Variants in OTUD7A observed in about 807,000 individuals in gnomAD.
The protein encoded by OTUD7A is OTU domain-containing protein 7A.
Under a neutral mutation model 65.7 loss-of-function variants are expected in OTUD7A, and 12 were observed. The ratio of observed to expected loss-of-function variants is 0.18; its 90% CI spans 0.12 to 0.30. The LOEUF is 0.30. OTUD7A is among the 10% of genes least tolerant of loss of function. OTUD7A has a pLI of 1.00. For synonymous variants in OTUD7A, 641 were observed against 586.3 expected (o/e 1.09, Z -1.35); for missense variants, 1,148 against 1,304.8 (o/e 0.88, Z 1.85).
At chr15:31,791,620 G>A (rs527455712) in intron 1 of OTUD7A, among the ~76,000 whole-genome samples, 1 of 152,140 alleles carries the variant, frequency 6.6e-6, no homozygotes, top group Non-Finnish European at 1.5e-5. Flanking sequence ...CATCTAAGAG[G>A]CTTTCTATTC....
At chr15:31,788,430 C>T (rs939263614) in intron 1 of OTUD7A, among the ~76,000 whole-genome samples, 1 of 152,222 alleles carries the variant, frequency 6.6e-6, no homozygotes, top group Admixed American at 6.5e-5. Context: ...TCCTTTCCTC[C>T]TTCTCATCTC....
intron 1 of OTUD7A, among the ~76,000 whole-genome samples, chr15:31,804,933 G>A (rs1024957000): frequency 2.0e-5 from 3 of 152,188 alleles, no homozygotes; most frequent in African/African-American, 7.2e-5. Context: ...AAGAAATAAT[G>A]GGTACAGCAC....
At chr15:31,722,153 G>A (rs531915271) in intron 1 of OTUD7A, among the ~76,000 whole-genome samples, 14 of 152,270 alleles carry the variant, frequency 9.2e-5, no homozygotes, top group African/African-American at 3.4e-4. Flanking sequence ...AGGGAGTGAA[G>A]GGCCCCCGAT....
intron 8 of OTUD7A, among the ~76,000 whole-genome samples, chr15:31,507,338 G>C (rs1469836771): frequency 6.6e-6 from 1 of 151,944 alleles, no homozygotes; most frequent in East Asian, 1.9e-4. Context: ...ATAGATGAAG[G>C]GTTTTAGATC....
chr15:31,607,172 G>T (rs79184559), intron 3 of OTUD7A, among the ~76,000 whole-genome samples: 4,679 of 152,286 alleles, frequency 0.031, 252 homozygotes, highest in African/African-American at 0.11. Context: ...TTTCCCCATT[G>T]GGAATATTGC....
At chr15:31,673,218 A>G (rs1231058502) in intron 1 of OTUD7A, among the ~76,000 whole-genome samples, 2 of 152,260 alleles carry the variant, frequency 1.3e-5, no homozygotes, top group South Asian at 2.1e-4. Context: ...CAAGAAATCT[A>G]TCCTAAAGTT....
At chr15:31,749,992 G>C (rs567473464) in intron 1 of OTUD7A, among the ~76,000 whole-genome samples, 1 of 152,154 alleles carries the variant, frequency 6.6e-6, no homozygotes, top group African/African-American at 2.4e-5. Context: ...ACAATACTTA[G>C]GAATACTTAA....
At chr15:31,826,684 A>G (rs1259331375) in intron 1 of OTUD7A, among the ~76,000 whole-genome samples, 1 of 152,222 alleles carries the variant, frequency 6.6e-6, no homozygotes. Flanking sequence ...TCAGGCTGCA[A>G]ATTTTTCAAA....
chr15:31,855,498 C>CG (rs1392481746), intron 1 of OTUD7A, among the ~76,000 whole-genome samples: 1 of 151,588 alleles, frequency 6.6e-6, no homozygotes, highest in East Asian at 1.9e-4. Flanking sequence ...TCCAGACAAC[C>CG]GAAAAACAAA....
rs143552707 is a variant in OTUD7A, at chr15:31,484,454, C to G, written c.1642G>C (p.Gly548Arg). 54 of 1,604,676 alleles carry G rather than the reference C, an allele frequency of 3.4e-5. No individual in the cohort carries two copies. Among genetic ancestry groups the G allele is most frequent in the Non-Finnish European group, 4.2e-5 (50 of 1,179,932 alleles). Residue 548 changes from glycine (G) to arginine (R), a missense_variant, in exon 13 of 13, where the codon GGC (glycine) becomes CGC (arginine). Gly to Arg is a moderately radical substitution (Grantham distance 125). Transcript: ENST00000307050. This position sits in a 1 kb window ranked among gnomAD's most constrained non-coding sequence, Gnocchi z 4.5. ...GCGGAGTTGGCGCGGCCCATCTTGC[C>G]GTGCACCAGGCCGCCGAGGCCGCCC... is the stretch of plus-strand genomic sequence containing the variant. ...NMGGLGGLVH[G>R]KMGRANSANG...
intron 3 of OTUD7A, among the ~76,000 whole-genome samples, chr15:31,616,531 T>C (rs1051474918): frequency 1.2e-4 from 18 of 152,174 alleles, no homozygotes; most frequent in African/African-American, 3.9e-4. Context: ...AAACTAAGAA[T>C]AGCTTTTACA....
chr15:31,530,811 G>A lies in OTUD7A; in HGVS notation c.551-3C>T, dbSNP rs780696108. The A allele has an allele frequency of 1.9e-5, 30 of 1,613,172 alleles. No individual in the cohort carries two copies. The highest frequency in any genetic ancestry group is 4.4e-5 in the South Asian group (4 of 90,894). On this transcript the variant is annotated splice_polypyrimidine_tract_variant and splice_region_variant and intron_variant, in intron 5 of 12. Transcript: ENST00000307050. Reference sequence around the variant, plus strand: ...AGTGGACCACCAGTTCAGGCGACCTGGAAAAGAAGCTCACTTTAGAACAGG... The same window carrying A: ...AGTGGACCACCAGTTCAGGCGACCTAGAAAAGAAGCTCACTTTAGAACAGG...
rs1463245044 is a variant in OTUD7A, at chr15:31,770,298, TA to T, written c.-100+100208del. Among the ~76,000 whole-genome samples the T allele has an allele frequency of 5.9e-5, 9 of 152,100 alleles. No homozygotes were observed. The South Asian group carries it at 1.2e-3, about 21-fold the overall frequency. On this transcript the variant is annotated intron_variant, in intron 1 of 12. Coordinates refer to ENST00000307050, the MANE Select transcript of OTUD7A (RefSeq NM_001382637.1). ...ACATGGGAATATGAACTACTTTATGTAAAAAAGTCAGAAAACTCATATTAAG... is the reference window on the plus strand; with the variant it reads ...ACATGGGAATATGAACTACTTTATGTAAAAAGTCAGAAAACTCATATTAAG...
chr15:31,610,593 T>TTATATATATATATATATATATA (rs1244768576), intron 3 of OTUD7A, among the ~76,000 whole-genome samples: 1 of 81,020 alleles, frequency 1.2e-5, no homozygotes, highest in African/African-American at 6.0e-5. Context: ...AAAAATGAAA[T>TTATATATATATATATATATATA]TATATATATA....
At position 31,633,965 on chromosome 15, in the gene OTUD7A, C is replaced by T. The variant is rs193265646; in HGVS notation, c.151+21131G>A. ...TGAGTGGCCTCCTCTGTGTCTCACTCGACCGACACACCTGAACCTAACTTC... is the reference window on the plus strand; with the variant it reads ...TGAGTGGCCTCCTCTGTGTCTCACTTGACCGACACACCTGAACCTAACTTC... On this transcript the variant is annotated intron_variant, in intron 3 of 12. Transcript: ENST00000307050. Among the ~76,000 whole-genome samples, 979 of 152,262 alleles carry T rather than the reference C, an allele frequency of 6.4e-3. 3 individuals are homozygous for T. The highest frequency in any genetic ancestry group is 9.8e-3 in the Non-Finnish European group (665 of 68,012).
At chr15:31,618,946 T>G (rs1566946212) in intron 3 of OTUD7A, among the ~76,000 whole-genome samples, 2 of 152,248 alleles carry the variant, frequency 1.3e-5, no homozygotes, top group African/African-American at 4.8e-5. Flanking sequence ...TGAATTAATT[T>G]TTGTATAAGG....
rs961318260 is a variant in OTUD7A at position 31,681,293 on chromosome 15, C to CTCCA, written c.-99-24220_-99-24217dup. Among the ~76,000 whole-genome samples the CTCCA allele has an allele frequency of 2.1e-4, 32 of 151,354 alleles. 2 individuals are homozygous for CTCCA. The highest frequency in any genetic ancestry group is 9.6e-4 in the East Asian group (5 of 5,186). On this transcript the variant is annotated intron_variant, in intron 1 of 12. Transcript: ENST00000307050. ...TGCCATCCTGTCTATTTCTACCTGT[C>CTCCA]TCCATCCATCCATCCATCCATGCAC...
chr15:31,600,415 G>A (rs1455622041), intron 3 of OTUD7A, among the ~76,000 whole-genome samples: 1 of 152,188 alleles, frequency 6.6e-6, no homozygotes, highest in Non-Finnish European at 1.5e-5. Flanking sequence ...AATGCTGAGA[G>A]ATTTTGTGAC....
At chr15:31,541,359 T>C (rs745530170) in intron 5 of OTUD7A, among the ~76,000 whole-genome samples, 3 of 152,238 alleles carry the variant, frequency 2.0e-5, no homozygotes, top group Non-Finnish European at 4.4e-5. Flanking sequence ...CAAACCCTCA[T>C]TGATTTTTAC....
Sources: allele counts gnomAD v4.1 joint callset (sites outside exome capture counted in the v4.1 genomes callset), GRCh38; gene constraint gnomAD v4.1.1; non-coding constraint Gnocchi (gnomAD v3.1); transcripts MANE v1.5; gene names NCBI Gene and HGNC (gene_info 2026-07-23, HGNC 2026-07-21).